Variants in NBEA observed in about 807,000 individuals in gnomAD.
NBEA encodes the protein lysosomal-trafficking regulator 2.
A neutral mutation model predicts 343.4 loss-of-function variants in NBEA; 44 were observed. The observed-to-expected ratio is 0.13, with a 90% confidence interval of 0.10 to 0.16. The LOEUF is 0.16. Ranked by LOEUF, NBEA falls within the 10% of genes least tolerant of loss-of-function variation. The probability of loss-of-function intolerance (pLI) is 1.00; values close to 1 mark genes in which losing one functional copy is unlikely to be tolerated. For synonymous variants in NBEA, 1,175 were observed against 1,238.7 expected, an observed-to-expected ratio of 0.95 and a Z score of 1.08; for missense variants, 2,555 against 3,631.3, an observed-to-expected ratio of 0.70 and a Z score of 7.62.
chr13:35,455,860 T>A (rs2046556637), intron 40 of NBEA, among the ~76,000 whole-genome samples: 1 of 152,038 alleles, frequency 6.6e-6, no homozygotes, highest in Non-Finnish European at 1.5e-5. Context: ...TGCAAATACA[T>A]AGTATATGGT....
chr13:35,648,843 C>G (rs77502428), intron 51 of NBEA, among the ~76,000 whole-genome samples: 9,048 of 145,680 alleles, frequency 0.062, 398 homozygotes, highest in East Asian at 0.21. Context: ...GGGAACAACA[C>G]GCACTGGGGC....
At chr13:35,060,425 T>A (rs1355814478) in intron 8 of NBEA, among the ~76,000 whole-genome samples, 1 of 151,832 alleles carries the variant, frequency 6.6e-6, no homozygotes, top group African/African-American at 2.4e-5. Context: ...TAATGAGCAG[T>A]AACCCTGTCA....
intron 8 of NBEA, among the ~76,000 whole-genome samples, chr13:35,065,334 A>G (rs538338960): frequency 2.6e-5 from 4 of 152,060 alleles, no homozygotes; most frequent in African/African-American, 7.2e-5. Flanking sequence ...ACAATGTAGT[A>G]TCTTCTCCAT....
chr13:35,630,839 G>A (rs1490857076), intron 49 of NBEA, among the ~76,000 whole-genome samples: 1 of 152,162 alleles, frequency 6.6e-6, no homozygotes, highest in African/African-American at 2.4e-5. Flanking sequence ...TGCTTAGGAA[G>A]AGCCTCTATC....
chr13:35,457,249 A>ATT (rs543045880), intron 40 of NBEA, among the ~76,000 whole-genome samples: 3 of 150,740 alleles, frequency 2.0e-5, no homozygotes, highest in Admixed American at 1.3e-4. Flanking sequence ...TTGTGTTAGC[A>ATT]TTTTTTTTTG....
intron 48 of NBEA, among the ~76,000 whole-genome samples, chr13:35,607,233 T>A (rs1019467315): frequency 6.6e-6 from 1 of 152,138 alleles, no homozygotes; most frequent in African/African-American, 2.4e-5. Context: ...AAAAAGATTT[T>A]TTTTGGTAAG....
In NBEA at chr13:34,964,895, C is replaced by CT. The variant is rs112508792; in HGVS notation, c.294+21782dup. On this transcript the variant is annotated intron_variant, in intron 1 of 58. Transcript: ENST00000379939. The stretch of plus-strand genomic sequence containing the variant: ...AGTGGGGAAAGGATTATTGTGGTGA[C>CT]TATCACTTTGGTGCTCCATAGCGGT... Among the ~76,000 whole-genome samples, 61 of 152,142 alleles carry CT rather than the reference C, an allele frequency of 4.0e-4. 1 individual carries two copies. The highest frequency in any genetic ancestry group is 1.3e-3 in the African/African-American group (56 of 41,550).
chr13:35,668,840 G>A (rs2085475884), intron 58 of NBEA, among the ~76,000 whole-genome samples: 1 of 152,160 alleles, frequency 6.6e-6, no homozygotes, highest in South Asian at 2.1e-4. Context: ...AGGCCACCCT[G>A]GCTTATATGA....
intron 49 of NBEA, among the ~76,000 whole-genome samples, chr13:35,632,785 G>A (rs188760630): frequency 6.6e-6 from 1 of 151,790 alleles, no homozygotes; most frequent in East Asian, 1.9e-4. Context: ...GTAGAGACAG[G>A]GTTTCACCAT....
chr13:35,098,606 A>AAAATCT (rs2065457494), intron 11 of NBEA, among the ~76,000 whole-genome samples: 1 of 152,196 alleles, frequency 6.6e-6, no homozygotes, highest in East Asian at 1.9e-4. Context: ...TTTGAATAAA[A>AAAATCT]AAATCTAAAT....
intron 11 of NBEA, among the ~76,000 whole-genome samples, chr13:35,101,300 C>T (rs1300761628): frequency 6.6e-6 from 1 of 151,856 alleles, no homozygotes; most frequent in African/African-American, 2.4e-5. Context: ...TACATCCTAC[C>T]AACCATATTT....
intron 38 of NBEA, among the ~76,000 whole-genome samples, chr13:35,352,582 C>G (rs1348792495): frequency 6.6e-6 from 1 of 151,884 alleles, no homozygotes; most frequent in Non-Finnish European, 1.5e-5. Context: ...TATGGTTAGG[C>G]AAGTATTTTA....
intron 40 of NBEA, among the ~76,000 whole-genome samples, chr13:35,469,628 G>C (rs765040072): frequency 6.6e-6 from 1 of 152,158 alleles, no homozygotes; most frequent in Non-Finnish European, 1.5e-5. Flanking sequence ...ATATTTCTAT[G>C]TGTGCCGAGG....
chr13:35,214,148 T>G (rs1281309479), intron 33 of NBEA, among the ~76,000 whole-genome samples: 6 of 152,000 alleles, frequency 3.9e-5, no homozygotes. Context: ...TCTTTTCACC[T>G]GTTGATAGCC....
chr13:35,174,782 GT>G (rs1243252255), intron 27 of NBEA, among the ~76,000 whole-genome samples: 1 of 151,680 alleles, frequency 6.6e-6, no homozygotes, highest in Non-Finnish European at 1.5e-5. Context: ...ATAGATCTTT[GT>G]AACTTCAGAG....
intron 34 of NBEA, among the ~76,000 whole-genome samples, chr13:35,257,476 A>C (rs544570503): frequency 2.6e-5 from 4 of 152,236 alleles, no homozygotes; most frequent in Non-Finnish European, 5.9e-5. Flanking sequence ...AAGAGCAGCA[A>C]TGTAAATGAC....
At chr13:35,558,216 T>C (rs2153019587) in intron 44 of NBEA, among the ~76,000 whole-genome samples, 1 of 152,184 alleles carries the variant, frequency 6.6e-6, no homozygotes, top group Admixed American at 6.5e-5. Flanking sequence ...GATCGTAATA[T>C]AGTGAGGAAG....
chr13:35,306,105 T>C (rs750123156), intron 35 of NBEA, among the ~76,000 whole-genome samples: 1 of 152,158 alleles, frequency 6.6e-6, no homozygotes, highest in Admixed American at 6.5e-5. Flanking sequence ...AGATTTACTT[T>C]CTTCCATCTT....
At chr13:35,542,201 G>A (rs907455744) in intron 41 of NBEA, among the ~76,000 whole-genome samples, 11 of 150,510 alleles carry the variant, frequency 7.3e-5, no homozygotes, top group African/African-American at 9.8e-5. Context: ...TAATGGCTGT[G>A]TTTATAATGG....
Sources: allele counts gnomAD v4.1 joint callset (sites outside exome capture counted in the v4.1 genomes callset), GRCh38; gene constraint gnomAD v4.1.1; transcripts MANE v1.5; gene names NCBI Gene and HGNC (gene_info 2026-07-23, HGNC 2026-07-21).